Variants in DLC1 observed in about 807,000 individuals in gnomAD.
The protein encoded by DLC1 is DLC1 Rho GTPase activating protein.
A neutral mutation model predicts 140.3 loss-of-function variants in DLC1; 54 were observed. The ratio of observed to expected loss-of-function variants is 0.38; its 90% confidence interval spans 0.31 to 0.48. The LOEUF (loss-of-function observed/expected upper bound fraction) is 0.48. DLC1 is among the 20% of genes least tolerant of loss of function. DLC1 has a pLI of 0.96. For synonymous variants in DLC1, 986 were observed against 728.1 expected, an observed-to-expected ratio of 1.35 and a Z score of -5.70; for missense variants, 2,536 against 1,907.0, an observed-to-expected ratio of 1.33 and a Z score of -6.14.
chr8:13,484,376 G>C (rs191701065), intron 2 of DLC1, among the ~76,000 whole-genome samples: 2 of 152,238 alleles, frequency 1.3e-5, no homozygotes, highest in East Asian at 3.9e-4. Context: ...CTCTACCTAT[G>C]ATTAGCCCAC....
intron 2 of DLC1, among the ~76,000 whole-genome samples, chr8:13,433,188 G>A (rs968168794): frequency 6.6e-6 from 1 of 152,086 alleles, no homozygotes; most frequent in African/African-American, 2.4e-5. Flanking sequence ...ATGAAAAAAT[G>A]TGCACATTTG....
intron 4 of DLC1, among the ~76,000 whole-genome samples, chr8:13,348,849 GA>G (rs1192129848): frequency 6.6e-6 from 1 of 152,188 alleles, no homozygotes; most frequent in African/African-American, 2.4e-5. Flanking sequence ...AGGCTGCAGA[GA>G]GCTGTATTCT....
intron 5 of DLC1, among the ~76,000 whole-genome samples, chr8:13,194,580 G>A (rs936729335): frequency 3.9e-5 from 6 of 152,172 alleles, no homozygotes; most frequent in African/African-American, 9.7e-5. Flanking sequence ...AGAAAGCCAC[G>A]GGCAGAGGCC....
At chr8:13,211,814 G>T (rs1431289239) in intron 5 of DLC1, among the ~76,000 whole-genome samples, 1 of 152,152 alleles carries the variant, frequency 6.6e-6, no homozygotes, top group African/African-American at 2.4e-5. Flanking sequence ...GAATTGAAAA[G>T]AAAACAAACC....
At chr8:13,133,153 G>C in intron 5 of DLC1, 1 of 1,444,620 alleles carries the variant, frequency 6.9e-7, no homozygotes, top group Non-Finnish European at 9.1e-7. Flanking sequence ...AGAAAGCGGG[G>C]TTTTCTAAAG....
intron 4 of DLC1, among the ~76,000 whole-genome samples, chr8:13,382,932 A>C (rs1371200251): frequency 6.6e-6 from 1 of 152,204 alleles, no homozygotes; most frequent in Non-Finnish European, 1.5e-5. Flanking sequence ...ACTTTTGTGT[A>C]ATGGAGTGAG....
In DLC1 at chr8:13,502,644, C is replaced by T. The variant is rs188506525; in HGVS notation, c.-125-2448G>A. Among the ~76,000 whole-genome samples, 455 of 152,274 alleles carry T rather than the reference C, an allele frequency of 3.0e-3. 6 individuals carry two copies. Among genetic ancestry groups the T allele is most frequent in the Non-Finnish European group, 2.0e-3 (136 of 68,006 alleles). ...ATCATCTGAATTGATTATAATCTAT[C>T]CCCTAATAGAGAGAAATCTTTGTAA... On this transcript the variant is annotated intron_variant, in intron 1 of 17. Coordinates refer to ENST00000276297, the MANE Select transcript of DLC1 (RefSeq NM_182643.3).
chr8:13,305,038 A>G (rs1024795592), intron 5 of DLC1: 1 of 1,156,744 alleles, frequency 8.6e-7, no homozygotes, highest in Non-Finnish European at 1.1e-6. Context: ...GTTACAAGGA[A>G]GACCCCAAGA....
intron 1 of DLC1, among the ~76,000 whole-genome samples, chr8:13,578,778 CA>C (rs1804938048): frequency 6.8e-6 from 1 of 146,450 alleles, no homozygotes; most frequent in Admixed American, 6.9e-5. Context: ...CCAGGTGTCC[CA>C]CCCTCCAGGT....
intron 5 of DLC1, among the ~76,000 whole-genome samples, chr8:13,204,174 A>T (rs1827541633): frequency 6.6e-6 from 1 of 152,204 alleles, no homozygotes; most frequent in African/African-American, 2.4e-5. Flanking sequence ...TGAAGTCTTC[A>T]TTAGGTCTAG....
chr8:13,457,676 C>CAAAAAAAAAAA (rs34916262), intron 2 of DLC1, among the ~76,000 whole-genome samples: 34 of 54,858 alleles, frequency 6.2e-4, no homozygotes, highest in African/African-American at 7.5e-4. Flanking sequence ...GACTCCATCT[C>CAAAAAAAAAAA]AAAAAAAAAA....
intron 4 of DLC1, among the ~76,000 whole-genome samples, chr8:13,327,504 G>GT (rs1201663012): frequency 1.6e-5 from 1 of 60,722 alleles, no homozygotes; most frequent in African/African-American, 5.0e-5. Context: ...GGCGGTGGGG[G>GT]TGGGGGTTTC....
chr8:13,415,726 C>G (rs1296415052), intron 2 of DLC1, among the ~76,000 whole-genome samples: 4 of 152,028 alleles, frequency 2.6e-5, no homozygotes. Flanking sequence ...ATTATTATTT[C>G]TTTTTTACCA....
intron 2 of DLC1, among the ~76,000 whole-genome samples, chr8:13,431,384 G>A (rs1585095927): frequency 6.8e-6 from 1 of 147,462 alleles, no homozygotes; most frequent in Non-Finnish European, 1.5e-5. Context: ...TCGGGAGGCT[G>A]AGGCAGGAGA....
chr8:13,251,600 T>C (rs973874192), intron 5 of DLC1, among the ~76,000 whole-genome samples: 1 of 152,208 alleles, frequency 6.6e-6, no homozygotes, highest in Non-Finnish European at 1.5e-5. Context: ...TTTATCCATC[T>C]ATTCAAAAAT....
At chr8:13,128,800 A>G (rs982622820) in intron 5 of DLC1, among the ~76,000 whole-genome samples, 22 of 151,200 alleles carry the variant, frequency 1.5e-4, no homozygotes, top group African/African-American at 4.6e-4. Flanking sequence ...GCGCCACTGC[A>G]CTCCAGCCTG....
intron 2 of DLC1, among the ~76,000 whole-genome samples, chr8:13,403,988 T>A (rs1396639813): frequency 6.6e-6 from 1 of 152,062 alleles, no homozygotes; most frequent in Non-Finnish European, 1.5e-5. Context: ...TACAATACTT[T>A]CCATCCAGTA....
At chr8:13,283,362 C>T (rs560908357) in intron 5 of DLC1, among the ~76,000 whole-genome samples, 5 of 151,136 alleles carry the variant, frequency 3.3e-5, no homozygotes, top group South Asian at 4.2e-4. Flanking sequence ...AGAAAATATA[C>T]GATACATTGT....
At position 13,448,771 on chromosome 8, in the gene DLC1, G is replaced by T. The variant is rs931693253; in HGVS notation, c.1024-47152C>A. ...TAATTTTGCCTTTTAATTTCAGAAA[G>T]AATCTTTTAGAACAGTTTTTGCACA... On this transcript the variant is annotated intron_variant, in intron 2 of 17. Transcript: ENST00000276297. Among the ~76,000 whole-genome samples, 7 of 152,222 alleles carry T rather than the reference G, an allele frequency of 4.6e-5. 1 individual carries two copies. The highest frequency in any genetic ancestry group is 2.6e-4 in the Admixed American group (4 of 15,288).
Sources: gnomAD v4.1 joint callset for allele counts (sites outside exome capture counted in the v4.1 genomes callset) on GRCh38, gnomAD v4.1.1 for gene constraint, MANE v1.5 for transcripts, NCBI Gene and HGNC (gene_info 2026-07-23, HGNC 2026-07-21) for gene names.